FLT3: variants seen among roughly 807,000 people sequenced by gnomAD.
FLT3 encodes the protein fms related receptor tyrosine kinase 3, also known as receptor-type tyrosine-protein kinase FLT3.
A neutral mutation model predicts 126.6 loss-of-function variants in FLT3; 46 were observed. That is an observed-to-expected ratio of 0.36 (90% confidence interval 0.29 to 0.46). The LOEUF (loss-of-function observed/expected upper bound fraction) is 0.46, where lower values mean the gene tolerates loss of function less well. Ranked by LOEUF, FLT3 falls within the 20% of genes least tolerant of loss-of-function variation. FLT3 has a pLI of 1.00. For synonymous variants in FLT3, 404 were observed against 434.4 expected, an observed-to-expected ratio of 0.93 and a Z score of 0.87; for missense variants, 1,069 against 1,190.3, an observed-to-expected ratio of 0.90 and a Z score of 1.50.
At chr13:28,041,248 G>A (rs200117259) in intron 9 of FLT3, among the ~76,000 whole-genome samples, 4 of 152,088 alleles carry the variant, frequency 2.6e-5, no homozygotes, top group East Asian at 1.9e-4. Flanking sequence ...GAAGAAAGAC[G>A]TGAGCTTCTA....
intron 4 of FLT3, among the ~76,000 whole-genome samples, chr13:28,054,988 A>G (rs1361889467): frequency 1.3e-5 from 2 of 152,106 alleles, no homozygotes; most frequent in African/African-American, 4.8e-5. Context: ...TGTTTATCTT[A>G]TTGACTTTAC....
At chr13:28,061,842 G>A (rs1353985626) in intron 3 of FLT3, 25 bp downstream of exon 3, 1 of 1,570,778 alleles carries the variant, frequency 6.4e-7, no homozygotes, top group East Asian at 2.2e-5. Context: ...CACATTTTAT[G>A]TCAAGAAGGT....
chr13:28,007,193 A>C (rs1870984248), intron 23 of FLT3, among the ~76,000 whole-genome samples: 1 of 152,162 alleles, frequency 6.6e-6, no homozygotes, highest in South Asian at 2.1e-4. Flanking sequence ...TACTTTAAAA[A>C]ATGGTTCTTT....
intron 19 of FLT3, 79 bp downstream of exon 19, chr13:28,023,269 TTA>T: frequency 6.9e-7 from 1 of 1,444,812 alleles, no homozygotes; most frequent in South Asian, 1.3e-5. Context: ...GGGATACAAG[TTA>T]AAATAAACAA....
At chr13:28,093,919 G>C (rs1290900539) in intron 1 of FLT3, among the ~76,000 whole-genome samples, 1 of 152,132 alleles carries the variant, frequency 6.6e-6, no homozygotes, top group East Asian at 1.9e-4. Context: ...GGAAGGGTGG[G>C]AAGGAGGGAG....
chr13:28,062,109 C>G, intron 2 of FLT3, 40 bp from the exon 3 acceptor site: 1 of 1,494,870 alleles, frequency 6.7e-7, no homozygotes, highest in East Asian at 2.3e-5. Context: ...ATGAAAACTG[C>G]AGGTCTAAGG....
intron 19 of FLT3, among the ~76,000 whole-genome samples, chr13:28,020,962 A>G (rs989113980): frequency 6.6e-6 from 1 of 152,154 alleles, no homozygotes; most frequent in Non-Finnish European, 1.5e-5. Context: ...TCAAAAATTC[A>G]TATTATTACA....
Position 28,055,022 on chromosome 13 carries a change from T to C in FLT3, c.484+2325A>G, listed in dbSNP as rs187616612. On this transcript the variant is annotated intron_variant, in intron 4 of 23. Transcript: ENST00000241453. ...ACATATTATGACTATTAATCCTTTG[T>C]TGATTGTGAACTGCAAGTATTTTTT... 2.6e-5 allele frequency among the ~76,000 whole-genome samples: 4 copies of C among 152,388 alleles called. No homozygotes were observed. The East Asian group carries it at 5.8e-4, about 22-fold the overall frequency.
intron 2 of FLT3, among the ~76,000 whole-genome samples, chr13:28,068,490 G>T (rs1877225108): frequency 6.7e-6 from 1 of 148,510 alleles, no homozygotes; most frequent in East Asian, 2.0e-4. Flanking sequence ...GGCTAACATG[G>T]CAAAACCCGT....
At chr13:28,052,510 T>G (rs1418488453) in intron 5 of FLT3, 35 bp downstream of exon 5, 6 of 1,572,500 alleles carry the variant, frequency 3.8e-6, no homozygotes, top group Non-Finnish European at 5.2e-6. Context: ...CAAAAGGAAA[T>G]TATGAGAATA....
chr13:28,026,352 G>GAC (rs1491508490), intron 17 of FLT3, among the ~76,000 whole-genome samples: 1 of 78,938 alleles, frequency 1.3e-5, no homozygotes, highest in Non-Finnish European at 2.4e-5. Context: ...AACTCTGTCT[G>GAC]AAAAAAAAAA....
intron 5 of FLT3, among the ~76,000 whole-genome samples, chr13:28,052,213 G>A (rs1173833926): frequency 6.6e-6 from 1 of 151,702 alleles, no homozygotes; most frequent in Admixed American, 6.6e-5. Context: ...TCCTGCCTCA[G>A]CCTCCAGAGT....
intron 19 of FLT3, among the ~76,000 whole-genome samples, chr13:28,020,893 C>T (rs1392073964): frequency 1.3e-5 from 2 of 151,992 alleles, no homozygotes; most frequent in Non-Finnish European, 2.9e-5. Flanking sequence ...ACGCATGATT[C>T]AAAGGGGAGG....
At chr13:28,014,904 G>T (rs1044722471) in intron 22 of FLT3, among the ~76,000 whole-genome samples, 2 of 152,108 alleles carry the variant, frequency 1.3e-5, no homozygotes, top group Non-Finnish European at 2.9e-5. Context: ...TTTTTAAAAT[G>T]GAATCAGACA....
rs111457997 is a variant in FLT3, at chr13:28,010,176, G to A, written c.2859+4276C>T. On this transcript the variant is annotated intron_variant, in intron 23 of 23. Coordinates refer to ENST00000241453, the MANE Select transcript of FLT3 (RefSeq NM_004119.3). ...ACGTGCTAAGCATCATGCTAGCAGCGGGGTCTATAATGATGAACCAAACAG... is the reference window on the plus strand; with the variant it reads ...ACGTGCTAAGCATCATGCTAGCAGCAGGGTCTATAATGATGAACCAAACAG... 9.2e-3 allele frequency among the ~76,000 whole-genome samples: 1,396 copies of A among 152,248 alleles called. 20 individuals carry two copies. The highest frequency in any genetic ancestry group is 0.031 in the African/African-American group (1,280 of 41,536).
In FLT3 at chr13:28,028,256, T is replaced by C. The variant is rs753200838; in HGVS notation, c.1975A>G (p.Met659Val). 2 of 1,606,412 alleles carry C rather than the reference T, an allele frequency of 1.2e-6. No individual in the cohort carries two copies. Among genetic ancestry groups the C allele is most frequent in the South Asian group, 2.2e-5 (2 of 90,918 alleles). The change falls in exon 16 of 24, where the codon ATG (methionine) becomes GTG (valine). Residue 659 changes from methionine to valine, a missense_variant. Physicochemically the swap from Met to Val is conservative, Grantham distance 21. Coordinates refer to ENST00000241453, the MANE Select transcript of FLT3 (RefSeq NM_004119.3). ...TGGGTCATCATCTTGAGTTCTGACA[T>C]GAGTGCCTCTCTTTCAGAGCTGTCT... ...KADSSEREAL[M>V]SELKMMTQLG...
At position 28,036,026 on chromosome 13, in the gene FLT3, C is replaced by A. The variant is rs770571247; in HGVS notation, c.1327G>T (p.Ala443Ser). Reference protein sequence around the residue: ...LNIRRKPQVLAEASASQASCF... With the variant: ...LNIRRKPQVLSEASASQASCF... Reference sequence around the variant, plus strand: ...GACGCCTGACTTGCCGATGCTTCTGCGAGCACTTGAGGTTTCCCTATAGAA... The same window carrying A: ...GACGCCTGACTTGCCGATGCTTCTGAGAGCACTTGAGGTTTCCCTATAGAA... The change falls in exon 11 of 24, where the codon GCA becomes TCA. Residue 443 changes from alanine to serine, a missense_variant. Ala to Ser is a moderately conservative substitution (Grantham distance 99). Transcript: ENST00000241453. 6.8e-6 allele frequency: 11 copies of A among 1,613,824 alleles called. No individual in the cohort carries two copies. The highest frequency in any genetic ancestry group is 9.3e-6 in the Non-Finnish European group (11 of 1,179,928).
At chr13:28,092,625 C>T (rs1216732455) in intron 1 of FLT3, among the ~76,000 whole-genome samples, 1 of 152,114 alleles carries the variant, frequency 6.6e-6, no homozygotes, top group Non-Finnish European at 1.5e-5. Flanking sequence ...TCATCTCTGG[C>T]CTGGACTACT....
chr13:28,090,305 G>C lies in FLT3; in HGVS notation c.43+10163C>G, dbSNP rs556046126. Among the ~76,000 whole-genome samples the C allele has an allele frequency of 2.0e-5, 3 of 151,978 alleles. 1 individual carries two copies. The highest frequency in any genetic ancestry group is 7.3e-5 in the African/African-American group (3 of 41,374). On this transcript the variant is annotated intron_variant, in intron 1 of 23. Transcript: ENST00000241453. ...CCTGCCTCAGCCTCCCAAAGTGCTG[G>C]GATTACAGGTTCGAGCCACTGTGCA...
Sources: gnomAD v4.1 joint callset for allele counts (sites outside exome capture counted in the v4.1 genomes callset) on GRCh38, gnomAD v4.1.1 for gene constraint, MANE v1.5 for transcripts, NCBI Gene and HGNC (gene_info 2026-07-23, HGNC 2026-07-21) for gene names.